GMNN: variants seen among roughly 807,000 people sequenced by gnomAD.
GMNN encodes geminin.
In GMNN, 14 loss-of-function variants were observed where a neutral mutation model predicts 20.9. The ratio of observed to expected loss-of-function variants is 0.67; its 90% CI spans 0.44 to 1.05. GMNN has a LOEUF of 1.05. Among genes scored for constraint, GMNN ranks in the 50% least tolerant of loss-of-function variants. GMNN has a pLI of 0.00. For missense variants in GMNN, 227 were observed against 243.8 expected (o/e 0.93, Z 0.46); for synonymous variants, 81 against 85.8 (o/e 0.94, Z 0.31).
chr6:24,785,535 C>A, intron 6 of GMNN, 103 bp from the exon 7 acceptor site: 1 of 526,422 alleles, frequency 1.9e-6, no homozygotes, highest in East Asian at 3.4e-5. Context: ...TGAAAAAAAT[C>A]TCATAGCTAT....
chr6:24,780,606 A>C, intron 2 of GMNN, 57 bp from the exon 3 acceptor site: 1 of 975,074 alleles, frequency 1.0e-6, no homozygotes, highest in East Asian at 2.4e-5. Context: ...AAACTCAGTA[A>C]CTAAATAACC....
chr6:24,774,979 A>T lies in GMNN; in HGVS notation c.-291A>T, dbSNP rs1289563953. 1 of 152,318 alleles carries T rather than the reference A, an allele frequency of 6.6e-6. No individual in the cohort carries two copies. The highest frequency in any genetic ancestry group is 2.4e-5 in the African/African-American group (1 of 41,472). 9.4% of individuals were successfully genotyped at this position (152,318 alleles called of 1,614,324 possible). ...TTGTTCGGAGCGGGCGAGCGGAGTTAGCAGGGCTTTACTGCAGAGCGCGCC... is the reference window on the plus strand; with the variant it reads ...TTGTTCGGAGCGGGCGAGCGGAGTTTGCAGGGCTTTACTGCAGAGCGCGCC... On this transcript the variant is annotated 5_prime_UTR_variant, in exon 1 of 7. Transcript: ENST00000230056.
At chr6:24,780,060 CTGAAA>C (rs1186577089) in intron 2 of GMNN, among the ~76,000 whole-genome samples, 2 of 152,138 alleles carry the variant, frequency 1.3e-5, no homozygotes, top group Non-Finnish European at 2.9e-5. Flanking sequence ...TTAAGGAGGC[CTGAAA>C]TGAATCTTTT....
chr6:24,782,646 C>G (rs892397257), intron 4 of GMNN, among the ~76,000 whole-genome samples: 1 of 152,116 alleles, frequency 6.6e-6, no homozygotes, highest in Non-Finnish European at 1.5e-5. Flanking sequence ...TTGTGACACT[C>G]ATATCTGATT....
At chr6:24,785,233 T>A (rs1487504618) in intron 6 of GMNN, among the ~76,000 whole-genome samples, 1 of 152,138 alleles carries the variant, frequency 6.6e-6, no homozygotes, top group Non-Finnish European at 1.5e-5. Context: ...ATTGTGACCT[T>A]TTACATTTGA....
At position 24,775,199 on chromosome 6, in the gene GMNN, C is replaced by T. The variant is rs1378926074; in HGVS notation, c.-71C>T. ...ACGACTCGCTTTCCCTCCGGCCAAC[C>T]TCTGAAGCCGCGTCCTACTTTGACA... On this transcript the variant is annotated 5_prime_UTR_variant, in exon 1 of 7. Transcript: ENST00000230056. The T allele has an allele frequency of 6.6e-6, 1 of 152,376 alleles. No individual in the cohort carries two copies. The highest frequency in any genetic ancestry group is 1.5e-5 in the Non-Finnish European group (1 of 68,148). 9.4% of individuals were successfully genotyped at this position (152,376 alleles called of 1,614,324 possible).
In GMNN at chr6:24,781,625, T is replaced by G. The variant is rs771605296; in HGVS notation, c.274+4T>G. Reference sequence around the variant, plus strand: ...TCATTTGATCTTATGATTAAAGGTATGAAAAAATAGATAACTTTTGTCTTA... The same window carrying G: ...TCATTTGATCTTATGATTAAAGGTAGGAAAAAATAGATAACTTTTGTCTTA... On this transcript the variant is annotated splice_donor_region_variant and intron_variant, in intron 4 of 6. Transcript: ENST00000230056. The G allele has an allele frequency of 7.4e-7, 1 of 1,357,676 alleles. No individual in the cohort carries two copies. Among genetic ancestry groups the G allele is most frequent in the African/African-American group, 1.5e-5 (1 of 66,944 alleles). The allele number at this position is 1,357,676 out of a possible 1,614,324, so 84.1% of individuals were successfully genotyped here. A position where few individuals can be genotyped will look rare whatever the true frequency, so the allele number is the denominator to read the frequency against.
chr6:24,785,633 AAAAGAG>A lies in GMNN; in HGVS notation c.469-3_471del. 1 of 1,428,912 alleles carries A rather than the reference AAAAGAG, an allele frequency of 7.0e-7. No homozygotes were observed. The highest frequency in any genetic ancestry group is 9.7e-7 in the Non-Finnish European group (1 of 1,030,804). The allele number at this position is 1,428,912 out of a possible 1,614,324, so 88.5% of individuals were successfully genotyped here. A position where few individuals can be genotyped will look rare whatever the true frequency, so the allele number is the denominator to read the frequency against. Reference sequence around the variant, plus strand: ...ACAATAAATTATTGGTTTATTCTTTAAAAGAGACTGAATGGTGAACCTCTGGATAAT... The same window carrying A: ...ACAATAAATTATTGGTTTATTCTTTAACTGAATGGTGAACCTCTGGATAAT... On this transcript the variant is annotated splice_acceptor_variant and splice_polypyrimidine_tract_variant and coding_sequence_variant and intron_variant, in exon 7 of 7. Coordinates refer to ENST00000230056, the MANE Select transcript of GMNN (RefSeq NM_015895.5). LOFTEE classifies it high-confidence loss of function.
In GMNN at chr6:24,777,254, C is replaced by G. The variant is rs1298606984; in HGVS notation, c.8C>G (p.Pro3Arg). The G allele has an allele frequency of 2.9e-6, 4 of 1,399,414 alleles. 1 individual carries two copies. The highest frequency in any genetic ancestry group is 1.8e-4 in the Middle Eastern group (1 of 5,594). The allele number at this position is 1,399,414 out of a possible 1,614,324, so 86.7% of individuals were successfully genotyped here. Residue 3 changes from proline (P) to arginine (R), a missense_variant, in exon 2 of 7, where the codon CCC (proline) becomes CGC (arginine). Coordinates refer to ENST00000230056, the MANE Select transcript of GMNN (RefSeq NM_015895.5). MN[P>R]SMKQKQEEIK... is the part of the protein sequence containing the mutation. ...TGCTTCACCATCTACATAATGAATCCCAGTATGAAGCAGAAACAAGAAGAA... is the reference window on the plus strand; with the variant it reads ...TGCTTCACCATCTACATAATGAATCGCAGTATGAAGCAGAAACAAGAAGAA...
intron 1 of GMNN, among the ~76,000 whole-genome samples, chr6:24,776,632 C>T (rs1470460026): frequency 6.6e-6 from 1 of 152,204 alleles, no homozygotes; most frequent in Non-Finnish European, 1.5e-5. Context: ...GGCAGTGGAG[C>T]AGCAGTTCAG....
chr6:24,781,198 TAAAATA>T lies in GMNN; in HGVS notation c.130-262_130-257del, dbSNP rs934121631. ...CAGCTTGGGTGACAGAGCGAGACTC[TAAAATA>T]AAAATAAAAATAAAAAATTTTTTAA... is the stretch of plus-strand genomic sequence containing the variant. On this transcript the variant is annotated intron_variant, in intron 3 of 6. Transcript: ENST00000230056. 2.0e-5 allele frequency among the ~76,000 whole-genome samples: 3 copies of T among 151,674 alleles called. No individual in the cohort carries two copies. The South Asian group carries it at 6.2e-4, about 31-fold the overall frequency.
chr6:24,777,336 G>T (rs1284617144), intron 2 of GMNN, 39 bp downstream of exon 2: 1 of 756,548 alleles, frequency 1.3e-6, no homozygotes, highest in Middle Eastern at 2.6e-4. Flanking sequence ...TTTGTAGAAA[G>T]CATGGGGCTA....
chr6:24,775,387 G>A (rs1186159996), intron 1 of GMNN, 143 bp downstream of exon 1: 1 of 152,294 alleles, frequency 6.6e-6, no homozygotes, highest in Non-Finnish European at 1.5e-5. Flanking sequence ...CAGTTCCCGA[G>A]GCGCGCGCCG....
At chr6:24,775,536 G>C (rs1311894961) in intron 1 of GMNN, 2 of 152,256 alleles carry the variant, frequency 1.3e-5, no homozygotes, top group African/African-American at 2.4e-5. Flanking sequence ...CCAGCTGTGG[G>C]GATGAGGCGA....
intron 1 of GMNN, among the ~76,000 whole-genome samples, chr6:24,776,650 G>A (rs1215355734): frequency 6.6e-6 from 1 of 152,222 alleles, no homozygotes; most frequent in Non-Finnish European, 1.5e-5. Flanking sequence ...CAGATGCTGA[G>A]TTTGGCCCAG....
intron 3 of GMNN, 62 bp from the exon 4 acceptor site, chr6:24,781,415 A>G (rs1780214488): frequency 1.8e-6 from 2 of 1,111,588 alleles, no homozygotes; most frequent in Admixed American, 2.0e-5. Flanking sequence ...TAAATGAAAA[A>G]CCACCTAATT....
chr6:24,777,944 A>T (rs1780115869), intron 2 of GMNN, among the ~76,000 whole-genome samples: 1 of 152,212 alleles, frequency 6.6e-6, no homozygotes, highest in Non-Finnish European at 1.5e-5. Flanking sequence ...AGTATACCAT[A>T]TTCATTACCA....
At chr6:24,783,533 T>G (rs905362296) in intron 4 of GMNN, among the ~76,000 whole-genome samples, 6 of 152,152 alleles carry the variant, frequency 3.9e-5, no homozygotes, top group African/African-American at 1.4e-4. Context: ...AGTTAATTAC[T>G]AAGGGAAAAA....
At chr6:24,779,952 A>C (rs1780160922) in intron 2 of GMNN, among the ~76,000 whole-genome samples, 1 of 152,042 alleles carries the variant, frequency 6.6e-6, no homozygotes, top group African/African-American at 2.4e-5. Flanking sequence ...TTGAGGGGGG[A>C]TGTCTATTAC....
Sources: allele counts gnomAD v4.1 joint callset (sites outside exome capture counted in the v4.1 genomes callset), GRCh38; gene constraint gnomAD v4.1.1; transcripts MANE v1.5; gene names NCBI Gene and HGNC (gene_info 2026-07-23, HGNC 2026-07-21).